ANKRD11: variants seen among roughly 807,000 people sequenced by gnomAD.
ANKRD11 encodes the protein ankyrin repeat domain 11.
In ANKRD11, 17 loss-of-function variants were observed where a neutral mutation model predicts 195.7. That is an observed-to-expected ratio of 0.09 (90% CI 0.06 to 0.13). ANKRD11 has a LOEUF of 0.13. Ranked by LOEUF, ANKRD11 falls within the 10% of genes least tolerant of loss-of-function variation. The probability of loss-of-function intolerance (pLI) is 1.00; values close to 1 mark genes in which losing one functional copy is unlikely to be tolerated. For missense variants in ANKRD11, 3,735 were observed against 3,566.1 expected, an observed-to-expected ratio of 1.05 and a Z score of -1.21; for synonymous variants, 1,953 against 1,528.1, an observed-to-expected ratio of 1.28 and a Z score of -6.49.
chr16:89,410,061 G>C (rs2042054836), intron 2 of ANKRD11, among the ~76,000 whole-genome samples: 1 of 152,062 alleles, frequency 6.6e-6, no homozygotes, highest in Admixed American at 6.6e-5. Flanking sequence ...GGATGGTCTC[G>C]ATCTCCTGAC....
rs1387461737 is a variant in ANKRD11 at position 89,422,166 on chromosome 16, G to A, written c.-144-3798C>T. 3 of 152,178 alleles carry A rather than the reference G, an allele frequency of 2.0e-5. No homozygotes were observed. The East Asian group carries it at 5.8e-4, about 29-fold the overall frequency. 9.4% of individuals were successfully genotyped at this position (152,178 alleles called of 1,614,324 possible). A position where few individuals can be genotyped will look rare whatever the true frequency, so the allele number is the denominator to read the frequency against. On this transcript the variant is annotated intron_variant, in intron 1 of 12. Transcript: ENST00000301030. Reference sequence around the variant, plus strand: ...CGGGTAAAAAGTTAAAGTTACCTAAGAAGAAAGAGCTCTAGGCCAAACCTA... The same window carrying A: ...CGGGTAAAAAGTTAAAGTTACCTAAAAAGAAAGAGCTCTAGGCCAAACCTA...
intron 2 of ANKRD11, among the ~76,000 whole-genome samples, chr16:89,381,595 T>C (rs190276450): frequency 2.6e-5 from 4 of 152,286 alleles, no homozygotes; most frequent in African/African-American, 9.6e-5. Flanking sequence ...TGATACGCTT[T>C]CCAACAAGAG....
At chr16:89,305,844 G>GC in intron 3 of ANKRD11, among the ~76,000 whole-genome samples, 1 of 113,534 alleles carries the variant, frequency 8.8e-6, no homozygotes. Flanking sequence ...CCGCAGACAC[G>GC]CACCACCTCC....
rs1567565765 is a variant in ANKRD11 at position 89,281,432 on chromosome 16, G to C, written c.5110C>G (p.Pro1704Ala). The C allele has an allele frequency of 6.2e-7, 1 of 1,612,936 alleles. No homozygotes were observed. The highest frequency in any genetic ancestry group is 8.5e-7 in the Non-Finnish European group (1 of 1,179,172). ...RPDQSRPTGV[P>A]TPTSVLSCPS... ...CAGGATAGCACCGACGTAGGGGTGG[G>C]CACGCCAGTGGGCCGGCTCTGGTCA... The change falls in exon 9 of 13, where the codon CCC becomes GCC. Residue 1704 changes from proline (P) to alanine (A), a missense_variant. Pro to Ala is a conservative substitution (Grantham distance 27). Coordinates refer to ENST00000301030, the MANE Select transcript of ANKRD11 (RefSeq NM_013275.6). This position sits in a 1 kb window ranked among gnomAD's most constrained non-coding sequence, Gnocchi z 5.5.
At chr16:89,381,437 G>A (rs897212466) in intron 2 of ANKRD11, among the ~76,000 whole-genome samples, 10 of 151,484 alleles carry the variant, frequency 6.6e-5, no homozygotes, top group African/African-American at 2.4e-4. Flanking sequence ...TACCAGTTTA[G>A]GGTTATTGTA....
intron 1 of ANKRD11, among the ~76,000 whole-genome samples, chr16:89,457,836 T>C (rs1002546363): frequency 7.2e-5 from 11 of 152,280 alleles, no homozygotes; most frequent in African/African-American, 2.6e-4. Flanking sequence ...TATACAGGTA[T>C]AAACATCACT....
chr16:89,369,054 C>T (rs1310769078), intron 2 of ANKRD11, among the ~76,000 whole-genome samples: 2 of 152,104 alleles, frequency 1.3e-5, no homozygotes, highest in East Asian at 3.8e-4. Flanking sequence ...GGCACCCATT[C>T]CTCCACAGCA....
intron 2 of ANKRD11, among the ~76,000 whole-genome samples, chr16:89,368,040 A>T (rs1297837553): frequency 2.0e-5 from 3 of 152,090 alleles, no homozygotes; most frequent in Non-Finnish European, 4.4e-5. Context: ...TGTCCTTGCA[A>T]CCAACTGCTG....
chr16:89,278,522 G>T (rs1467838891), intron 9 of ANKRD11: 1 of 456,428 alleles, frequency 2.2e-6, no homozygotes, highest in African/African-American at 2.0e-5. Context: ...GGGGAACTGG[G>T]CTGACAGGGT....
At chr16:89,413,787 T>C (rs1026177473) in intron 2 of ANKRD11, among the ~76,000 whole-genome samples, 72 of 151,804 alleles carry the variant, frequency 4.7e-4, no homozygotes, top group Admixed American at 4.7e-3. Context: ...GGGGTGAGGG[T>C]GCCAGGGAGA....
intron 2 of ANKRD11, among the ~76,000 whole-genome samples, chr16:89,374,775 A>G (rs1176810288): frequency 6.6e-6 from 1 of 152,214 alleles, no homozygotes; most frequent in Non-Finnish European, 1.5e-5. Flanking sequence ...GAACGTGGAC[A>G]CACACGTGTG....
chr16:89,432,024 A>G (rs2043000386), intron 1 of ANKRD11, among the ~76,000 whole-genome samples: 2 of 151,940 alleles, frequency 1.3e-5, no homozygotes, highest in Admixed American at 1.3e-4. Flanking sequence ...AACCGCTCTG[A>G]CTTCTAGTTC....
chr16:89,343,994 C>T (rs1156845970), intron 2 of ANKRD11, among the ~76,000 whole-genome samples: 1 of 152,210 alleles, frequency 6.6e-6, no homozygotes, highest in Non-Finnish European at 1.5e-5. Context: ...CCCAGGGGCA[C>T]ATCACAGACA....
Position 89,387,872 on chromosome 16 carries a change from G to C in ANKRD11, c.-60+30412C>G, listed in dbSNP as rs975978236. On this transcript the variant is annotated intron_variant, in intron 2 of 12. Transcript: ENST00000301030. ...TCAAAAAAATTAGCCAGGCGTGGTG[G>C]TGGGTGGTGGTCGGGTCTCCCCAAC... Among the ~76,000 whole-genome samples the C allele has an allele frequency of 1.5e-4, 22 of 151,102 alleles. 1 individual carries two copies. Among genetic ancestry groups the C allele is most frequent in the Non-Finnish European group, 3.0e-5 (2 of 67,762 alleles).
chr16:89,341,074 A>G (rs1218666191), intron 2 of ANKRD11, among the ~76,000 whole-genome samples: 1 of 152,230 alleles, frequency 6.6e-6, no homozygotes, highest in African/African-American at 2.4e-5. Flanking sequence ...CCAGGAAAAA[A>G]TTAATAAGTC....
intron 1 of ANKRD11, among the ~76,000 whole-genome samples, chr16:89,476,737 G>C (rs1407650073): frequency 1.3e-5 from 2 of 152,214 alleles, no homozygotes; most frequent in Admixed American, 1.3e-4. Flanking sequence ...CCAGCAAAGA[G>C]ATGGGGGCCC....
rs1022191146 is a variant in ANKRD11, at chr16:89,287,173, T to C, written c.745-987A>G. On this transcript the variant is annotated intron_variant, in intron 7 of 12. Transcript: ENST00000301030. ...ACGGAGGTCCCCAGTCCCAGCTGCT[T>C]AGGGGCCACCACACTCCTCGGCCCT... 1.0e-5 allele frequency: 12 copies of C among 1,205,110 alleles called. No homozygotes were observed. In the African/African-American group the frequency reaches 1.7e-4, roughly 17 times the overall value. The allele number at this position is 1,205,110 out of a possible 1,614,324, so 74.7% of individuals were successfully genotyped here.
At chr16:89,396,257 G>A (rs1212440749) in intron 2 of ANKRD11, among the ~76,000 whole-genome samples, 1 of 152,192 alleles carries the variant, frequency 6.6e-6, no homozygotes, top group Non-Finnish European at 1.5e-5. Context: ...GATCCACGTC[G>A]GGAGATGCAC....
intron 3 of ANKRD11, among the ~76,000 whole-genome samples, chr16:89,311,447 C>G (rs1767092918): frequency 1.3e-5 from 2 of 152,162 alleles, no homozygotes; most frequent in Admixed American, 1.3e-4. Flanking sequence ...ATGTTTACCT[C>G]ACACCACATA....
Sources: gnomAD v4.1 joint callset for allele counts (sites outside exome capture counted in the v4.1 genomes callset) on GRCh38, gnomAD v4.1.1 for gene constraint, Gnocchi (gnomAD v3.1) non-coding constraint, MANE v1.5 for transcripts, NCBI Gene and HGNC (gene_info 2026-07-23, HGNC 2026-07-21) for gene names.